BRF1: variants seen among roughly 807,000 people sequenced by gnomAD.
BRF1 encodes transcription factor IIIB 90 kDa subunit.
A neutral mutation model predicts 81.7 loss-of-function variants in BRF1; 59 were observed. The ratio of observed to expected loss-of-function variants is 0.72; its 90% CI spans 0.59 to 0.90. The LOEUF (loss-of-function observed/expected upper bound fraction) is 0.90, where lower values mean the gene tolerates loss of function less well. BRF1 is among the 40% of genes least tolerant of loss of function. The pLI is 0.00. For synonymous variants in BRF1, 491 were observed against 395.6 expected, an observed-to-expected ratio of 1.24 and a Z score of -2.86; for missense variants, 1,050 against 936.3, an observed-to-expected ratio of 1.12 and a Z score of -1.58.
chr14:105,252,642 C>T (rs2055674952), intron 4 of BRF1, 63 bp from the exon 5 acceptor site: 6 of 1,540,252 alleles, frequency 3.9e-6, no homozygotes, highest in Non-Finnish European at 8.9e-7. Context: ...TGCTTTTTTT[C>T]TCTTAAAATG....
chr14:105,286,599 CT>C (rs2057324299), intron 1 of BRF1, among the ~76,000 whole-genome samples: 1 of 152,106 alleles, frequency 6.6e-6, no homozygotes, highest in South Asian at 2.1e-4. Flanking sequence ...GCCAACTGCA[CT>C]TTCCGCATTT....
At position 105,219,161 on chromosome 14, in the gene BRF1, C is replaced by T. The variant is rs1420638356; in HGVS notation, c.1449G>A (p.Arg483=). Residue 483 remains arginine, a synonymous_variant, in exon 13 of 18, where the codon CGG becomes CGA. Transcript: ENST00000547530. ...LWMRENAEYL[R]EQREKEARIA... is the part of the protein sequence containing the mutation. ...GCGGGTGGCGCTTACCCCTCTGTTCCCGCAGGTACTCGGCGTTCTCCCTCA... is the reference window on the plus strand; with the variant it reads ...GCGGGTGGCGCTTACCCCTCTGTTCTCGCAGGTACTCGGCGTTCTCCCTCA... 1.2e-6 allele frequency: 2 copies of T among 1,612,350 alleles called. No individual in the cohort carries two copies. Among genetic ancestry groups the T allele is most frequent in the Admixed American group, 3.3e-5 (2 of 59,994 alleles).
intron 1 of BRF1, among the ~76,000 whole-genome samples, chr14:105,291,149 C>T (rs78190594): frequency 1.1e-4 from 17 of 152,224 alleles, no homozygotes; most frequent in Non-Finnish European, 2.2e-4. Flanking sequence ...AGACTGCCCC[C>T]CTGTGTACAG....
chr14:105,228,733 G>C, intron 7 of BRF1, 87 bp downstream of exon 7: 2 of 1,457,792 alleles, frequency 1.4e-6, no homozygotes, highest in Middle Eastern at 1.8e-4. Flanking sequence ...AGGGTCCCGG[G>C]AGGTGGCGCC....
intron 5 of BRF1, 160 bp from the exon 6 acceptor site, chr14:105,241,574 G>C: frequency 1.1e-6 from 1 of 938,568 alleles, no homozygotes; most frequent in Non-Finnish European, 1.6e-6. Context: ...CTGACCCTCA[G>C]CTAGGGCAGC....
rs1566823980 is a variant in BRF1 at position 105,241,617 on chromosome 14, C to T, written c.545-203G>A. 3 of 669,480 alleles carry T rather than the reference C, an allele frequency of 4.5e-6. No individual in the cohort carries two copies. The East Asian group carries it at 8.3e-5, about 19-fold the overall frequency. 41.5% of individuals were successfully genotyped at this position (669,480 alleles called of 1,614,324 possible). Reference sequence around the variant, plus strand: ...CCGAACCCAGGAGAGCCACTGGCCACCTGCTGCCAGCCAGCCTGCTGCAGA... The same window carrying T: ...CCGAACCCAGGAGAGCCACTGGCCATCTGCTGCCAGCCAGCCTGCTGCAGA... On this transcript the variant is annotated intron_variant, in intron 5 of 17. Transcript: ENST00000547530.
chr14:105,285,506 T>A (rs1331634261), intron 2 of BRF1, among the ~76,000 whole-genome samples: 2 of 152,190 alleles, frequency 1.3e-5, no homozygotes, highest in African/African-American at 4.8e-5. Context: ...ATGCAAACGC[T>A]GACTCAATAT....
rs377513742 is a variant in BRF1, at chr14:105,241,483, G to T, written c.545-69C>A. 4.4e-6 allele frequency: 7 copies of T among 1,586,526 alleles called. No homozygotes were observed. The African/African-American group carries it at 6.7e-5, about 15-fold the overall frequency. On this transcript the variant is annotated intron_variant, in intron 5 of 17. Transcript: ENST00000547530. Reference sequence around the variant, plus strand: ...GGCACGTGCACAGGCGGCCCACGCAGCCCAGGGGTGGGGCAACCTGCACTT... The same window carrying T: ...GGCACGTGCACAGGCGGCCCACGCATCCCAGGGGTGGGGCAACCTGCACTT...
upstream of BRF1, chr14:105,301,400 T>G (rs1467572481): frequency 3.4e-5 from 5 of 148,716 alleles, no homozygotes; most frequent in Admixed American, 2.7e-4. Context: ...GGAGCCTGGG[T>G]CTGGACCCGA....
At chr14:105,249,120 G>GCGCCCA (rs1207431161) in intron 5 of BRF1, 8 of 1,507,718 alleles carry the variant, frequency 5.3e-6, no homozygotes, top group East Asian at 2.7e-5. Context: ...GCGCCCGCGC[G>GCGCCCA]CGCCCACGCC....
At position 105,309,642 on chromosome 14, in the gene BRF1, G is replaced by GT. The variant is rs1288960939; in HGVS notation, c.-162+5679dup. Among the ~76,000 whole-genome samples, 1 of 152,226 alleles carries GT rather than the reference G, an allele frequency of 6.6e-6. No homozygotes were observed. The highest frequency in any genetic ancestry group is 2.4e-5 in the African/African-American group (1 of 41,472). On this transcript the variant is annotated intron_variant, in intron 1 of 17. Coordinates refer to the BRF1 transcript ENST00000327359. This position sits in a 1 kb window ranked among gnomAD's most constrained non-coding sequence, Gnocchi z 4.0. Reference sequence around the variant, plus strand: ...TGCTCTGGGTCCTGCCCCAGGTGCTGTGTGAGGGAGCTGCGCTGCCTGCGC... The same window carrying GT: ...TGCTCTGGGTCCTGCCCCAGGTGCTGTTGTGAGGGAGCTGCGCTGCCTGCGC...
intron 15 of BRF1, among the ~76,000 whole-genome samples, chr14:105,215,051 G>A (rs1890864185): frequency 1.3e-5 from 2 of 152,194 alleles, no homozygotes; most frequent in Non-Finnish European, 2.9e-5. Flanking sequence ...AGGTCTTCAT[G>A]CTTCCGTCTT....
chr14:105,261,986 C>T lies in BRF1; in HGVS notation c.440-5437G>A, dbSNP rs182505731. Among the ~76,000 whole-genome samples, 6 of 152,362 alleles carry T rather than the reference C, an allele frequency of 3.9e-5. No homozygotes were observed. The South Asian group carries it at 6.2e-4, about 16-fold the overall frequency. On this transcript the variant is annotated intron_variant, in intron 3 of 17. Transcript: ENST00000547530. ...CACCGGCAGCCAACACCACCTGGCA[C>T]GGGAACACACGGCCCGGCCGAAGCT...
At chr14:105,223,509 G>A (rs12887065) in intron 10 of BRF1, among the ~76,000 whole-genome samples, 4,260 of 149,332 alleles carry the variant, frequency 0.029, 88 homozygotes, top group Non-Finnish European at 0.045. Flanking sequence ...CCATTGATGC[G>A]TGACTCAACA....
At position 105,212,139 on chromosome 14, in the gene BRF1, G is replaced by A. The variant is rs1409754308; in HGVS notation, c.1798C>T (p.Pro600Ser). Residue 600 changes from proline (P) to serine (S), a missense_variant, in exon 16 of 18, where the codon CCA becomes TCA. Transcript: ENST00000547530. ...KRLRPLVSTQ[P>S]AKKVATGEAL... ...TCTCCCGTGGCCACCTTCTTTGCTG[G>A]CTGCGTAGACACCAGAGGCCTCAAC... The A allele has an allele frequency of 7.4e-6, 12 of 1,612,648 alleles. No homozygotes were observed. The highest frequency in any genetic ancestry group is 1.0e-5 in the Non-Finnish European group (12 of 1,179,730).
chr14:105,294,778 A>G (rs1044004029), intron 1 of BRF1, among the ~76,000 whole-genome samples: 3 of 152,230 alleles, frequency 2.0e-5, no homozygotes, highest in Admixed American at 1.3e-4. Flanking sequence ...GACCCCGCAG[A>G]TATCAAAAGG....
At position 105,269,626 on chromosome 14, in the gene BRF1, G is replaced by C. The variant is rs2140390540; in HGVS notation, c.439+3095C>G. ...CACACACTTAGTAGGAGGATCGCTG[G>C]AGCGTGTGGGAACTTTGTGGCTAAA... On this transcript the variant is annotated intron_variant, in intron 3 of 17. Transcript: ENST00000547530. The surrounding 1 kb of genome is among the most constrained non-coding windows in gnomAD (Gnocchi z 5.0). Among the ~76,000 whole-genome samples, 1 of 152,258 alleles carries C rather than the reference G, an allele frequency of 6.6e-6. No homozygotes were observed. The highest frequency in any genetic ancestry group is 1.5e-5 in the Non-Finnish European group (1 of 68,012).
In BRF1 at chr14:105,258,501, AG is replaced by A. The variant is rs1863811198; in HGVS notation, c.440-1953del. The stretch of plus-strand genomic sequence containing the variant: ...GAGACTCCGTCTCAAAAAAAAAAAA[AG>A]AAATGAACTCTAAGGCCAGGCGCAG... On this transcript the variant is annotated intron_variant, in intron 3 of 17. Coordinates refer to ENST00000547530, the MANE Select transcript of BRF1 (RefSeq NM_001519.4). 2.1e-5 allele frequency among the ~76,000 whole-genome samples: 3 copies of A among 141,742 alleles called. No homozygotes were observed. In the Admixed American group the frequency reaches 2.1e-4, roughly 10 times the overall value. 93.0% of individuals were successfully genotyped at this position (141,742 alleles called of 152,430 possible). A position where few individuals can be genotyped will look rare whatever the true frequency, so the allele number is the denominator to read the frequency against.
At chr14:105,228,763 G>A (rs377556518) in intron 7 of BRF1, 57 bp downstream of exon 7, 4 of 1,596,068 alleles carry the variant, frequency 2.5e-6, no homozygotes, top group Admixed American at 1.7e-5. Flanking sequence ...AAGCAGGCCT[G>A]AGCTGGACTG....
Sources: allele counts gnomAD v4.1 joint callset (sites outside exome capture counted in the v4.1 genomes callset), GRCh38; gene constraint gnomAD v4.1.1; non-coding constraint Gnocchi (gnomAD v3.1); transcripts MANE v1.5; gene names NCBI Gene and HGNC (gene_info 2026-07-23, HGNC 2026-07-21).